Variants in EIF4ENIF1 observed in about 807,000 individuals in gnomAD.
The protein encoded by EIF4ENIF1 is eukaryotic translation initiation factor 4E nuclear import factor 1.
Under a neutral mutation model 110.5 loss-of-function variants are expected in EIF4ENIF1, and 23 were observed. The observed-to-expected ratio is 0.21, with a 90% CI of 0.15 to 0.29. The LOEUF is 0.29. Ranked by LOEUF, EIF4ENIF1 falls within the 10% of genes least tolerant of loss-of-function variation. The pLI, the probability that EIF4ENIF1 is intolerant of heterozygous loss-of-function variation, is 1.00. For missense variants in EIF4ENIF1, 1,031 were observed against 1,221.1 expected (o/e 0.84, Z 2.32); for synonymous variants, 440 against 437.0 (o/e 1.01, Z -0.09).
At chr22:31,456,398 T>G (rs1447851777) in intron 7 of EIF4ENIF1, among the ~76,000 whole-genome samples, 1 of 151,878 alleles carries the variant, frequency 6.6e-6, no homozygotes, top group Non-Finnish European at 1.5e-5. Flanking sequence ...TAATTTTTTG[T>G]ATTTTTAGTA....
rs1413744077 is a variant in EIF4ENIF1, at chr22:31,450,309, C to A, written c.1564G>T (p.Val522Phe). 6 of 1,613,436 alleles carry A rather than the reference C, an allele frequency of 3.7e-6. No individual in the cohort carries two copies. Among genetic ancestry groups the A allele is most frequent in the Admixed American group, 1.7e-5 (1 of 59,988 alleles). The stretch of plus-strand genomic sequence containing the variant: ...AGTACCTGCAGGATGTTCTTAGGGA[C>A]AGGCTGGCCTGGAATCTCAGCAGGG... The part of the protein sequence containing the change: ...MSPAEIPGQP[V>F]PKNILQELLG... Residue 522 changes from valine to phenylalanine, a missense_variant, in exon 11 of 19, where the codon GTC (valine) becomes TTC (phenylalanine). Around this residue, in one of 3 missense-constraint regions of EIF4ENIF1, gnomAD observed 704 missense variants for 879.7 expected, o/e 0.80. Coordinates refer to ENST00000330125, the MANE Select transcript of EIF4ENIF1 (RefSeq NM_019843.4).
intron 8 of EIF4ENIF1, 68 bp from the exon 9 acceptor site, chr22:31,455,383 TTTTC>T (rs1413896274): frequency 1.8e-4 from 227 of 1,273,854 alleles, no homozygotes; most frequent in East Asian, 1.0e-3. Flanking sequence ...TCGACAGTAT[TTTTC>T]TTTCTTTCTT....
chr22:31,438,682 A>G (rs542752286), downstream of EIF4ENIF1, among the ~76,000 whole-genome samples: 3 of 152,270 alleles, frequency 2.0e-5, no homozygotes, highest in East Asian at 5.8e-4. Context: ...CTCAAGGAAA[A>G]AGGCCATAGT....
Position 31,448,185 on chromosome 22 carries a change from T to C in EIF4ENIF1, c.1816A>G (p.Met606Val), listed in dbSNP as rs1267586178. 3.1e-6 allele frequency: 5 copies of C among 1,614,216 alleles called. No homozygotes were observed. Among genetic ancestry groups the C allele is most frequent in the Non-Finnish European group, 2.5e-6 (3 of 1,180,024 alleles). ...QQLLGDPFQG[M>V]RKPMSPITAQ... Reference sequence around the variant, plus strand: ...GTGATGGGGCTCATGGGTTTGCGCATGCCTTGGAATGGATCTCCGAGTAGC... The same window carrying C: ...GTGATGGGGCTCATGGGTTTGCGCACGCCTTGGAATGGATCTCCGAGTAGC... Residue 606 changes from methionine (M) to valine (V), a missense_variant, in exon 13 of 19, where the codon ATG (methionine) becomes GTG (valine). Physicochemically the swap from Met to Val is conservative, Grantham distance 21 (BLOSUM62 1). Around this residue, in one of 3 missense-constraint regions of EIF4ENIF1, gnomAD observed 704 missense variants for 879.7 expected, o/e 0.80. Transcript: ENST00000330125.
At chr22:31,477,371 A>C (rs1387442100) in intron 2 of EIF4ENIF1, among the ~76,000 whole-genome samples, 7 of 83,856 alleles carry the variant, frequency 8.3e-5, no homozygotes, top group Non-Finnish European at 1.7e-4. Flanking sequence ...AAAAAAAAAA[A>C]AAACAAAAAA....
intron 12 of EIF4ENIF1, 135 bp downstream of exon 12, chr22:31,449,213 T>A (rs1216296853): frequency 1.2e-6 from 1 of 802,504 alleles, no homozygotes; most frequent in African/African-American, 1.8e-5. Context: ...TTTCACCACG[T>A]TGGCCAGGCT....
chr22:31,454,405 T>C (rs1031263127), intron 9 of EIF4ENIF1, 29 bp from the exon 10 acceptor site: 1 of 1,586,658 alleles, frequency 6.3e-7, no homozygotes, highest in Non-Finnish European at 8.6e-7. Context: ...CCAGGTTAAA[T>C]CAAGCAAAGA....
intron 6 of EIF4ENIF1, 83 bp from the exon 7 acceptor site, chr22:31,458,733 G>A: frequency 2.3e-6 from 3 of 1,285,316 alleles, no homozygotes; most frequent in Non-Finnish European, 3.1e-6. Flanking sequence ...CAGTATACAT[G>A]TAGAAGAGCC....
At position 31,442,955 on chromosome 22, in the gene EIF4ENIF1, G is replaced by C; in HGVS notation, c.2206+7C>G. On this transcript the variant is annotated splice_region_variant and intron_variant, in intron 16 of 18. Coordinates refer to ENST00000330125, the MANE Select transcript of EIF4ENIF1 (RefSeq NM_019843.4). ...CTTGAGCAGTGCCCTTAACAGCTCT[G>C]CAGTACCTTCACTGGCCTTCTGAGT... 6.2e-7 allele frequency: 1 copy of C among 1,613,846 alleles called. No individual in the cohort carries two copies. The highest frequency in any genetic ancestry group is 8.5e-7 in the Non-Finnish European group (1 of 1,179,850).
intron 6 of EIF4ENIF1, among the ~76,000 whole-genome samples, chr22:31,460,246 TCTC>T (rs1439690435): frequency 1.3e-5 from 2 of 152,212 alleles, no homozygotes; most frequent in African/African-American, 2.4e-5. Flanking sequence ...TCCATTTCCT[TCTC>T]CTTCTAAATA....
intron 2 of EIF4ENIF1, among the ~76,000 whole-genome samples, chr22:31,473,758 T>C (rs2051472993): frequency 6.6e-6 from 1 of 152,304 alleles, no homozygotes; most frequent in Non-Finnish European, 1.5e-5. Context: ...TTTGGATCAT[T>C]TGGTCAAGGT....
chr22:31,493,099 T>A (rs554713583), upstream of EIF4ENIF1, among the ~76,000 whole-genome samples: 157 of 151,872 alleles, frequency 1.0e-3, no homozygotes, highest in Non-Finnish European at 1.9e-3. Flanking sequence ...AGTAGCGTAA[T>A]CTCGGCTCAC....
chr22:31,439,710 G>A lies in EIF4ENIF1; in HGVS notation c.*170C>T. The A allele has an allele frequency of 1.1e-6, 1 of 887,890 alleles. No homozygotes were observed. Among genetic ancestry groups the A allele is most frequent in the Admixed American group, 3.0e-5 (1 of 33,664 alleles). 55.0% of individuals were successfully genotyped at this position (887,890 alleles called of 1,614,324 possible). On this transcript the variant is annotated 3_prime_UTR_variant, in exon 19 of 19. Transcript: ENST00000330125. ...CAGACAATGTACACTCCACTCGACT[G>A]GTTAAGATCCTTCCATCATAATGCG...
chr22:31,490,772 T>A (rs2052249796), upstream of EIF4ENIF1, among the ~76,000 whole-genome samples: 1 of 152,206 alleles, frequency 6.6e-6, no homozygotes, highest in African/African-American at 2.4e-5. Flanking sequence ...CACCCATTTC[T>A]GCCCTGTGGT....
intron 14 of EIF4ENIF1, among the ~76,000 whole-genome samples, chr22:31,447,216 T>A (rs1601566568): frequency 6.6e-6 from 1 of 152,200 alleles, no homozygotes; most frequent in Non-Finnish European, 1.5e-5. Flanking sequence ...TAAAACCATA[T>A]AGAATGAAAG....
chr22:31,437,705 G>C (rs1376401635), downstream of EIF4ENIF1: 2 of 152,076 alleles, frequency 1.3e-5, 1 homozygote, highest in South Asian at 4.1e-4. Flanking sequence ...ATTAACGTTG[G>C]TTCAACATGA....
chr22:31,464,074 G>A, intron 4 of EIF4ENIF1, 107 bp from the exon 5 acceptor site: 2 of 1,416,104 alleles, frequency 1.4e-6, no homozygotes, highest in East Asian at 4.8e-5. Flanking sequence ...GGTTGGAAGA[G>A]AGTCACCACT....
intron 17 of EIF4ENIF1, 144 bp downstream of exon 17, chr22:31,441,630 G>T: frequency 1.5e-6 from 1 of 657,622 alleles, no homozygotes. Flanking sequence ...ACTGGATTGG[G>T]CCCACTGCCT....
At position 31,463,059 on chromosome 22, in the gene EIF4ENIF1, C is replaced by T; in HGVS notation, c.660G>A (p.Glu220=). The T allele has an allele frequency of 1.9e-6, 3 of 1,614,094 alleles. No individual in the cohort carries two copies. The highest frequency in any genetic ancestry group is 2.5e-6 in the Non-Finnish European group (3 of 1,179,948). ...GACTTGTGGGTCCAGCAGAGAACCACTCTGGTTCTTCTTCTGTGTAAGAAT... is the reference window on the plus strand; with the variant it reads ...GACTTGTGGGTCCAGCAGAGAACCATTCTGGTTCTTCTTCTGTGTAAGAAT... ...RNDSYTEEEP[E]WFSAGPTSQS... Residue 220 remains glutamate, a synonymous_variant, in exon 6 of 19, where the codon GAG becomes GAA. Transcript: ENST00000330125.
Sources: gnomAD v4.1 joint callset for allele counts (sites outside exome capture counted in the v4.1 genomes callset) on GRCh38, gnomAD v4.1.1 for gene constraint, gnomAD v4.1.1 regional missense constraint, MANE v1.5 for transcripts, NCBI Gene and HGNC (gene_info 2026-07-23, HGNC 2026-07-21) for gene names.